GAS7: variants seen among roughly 807,000 people sequenced by gnomAD.
The protein encoded by GAS7 is growth arrest specific 7.
Under a neutral mutation model 71.1 loss-of-function variants are expected in GAS7, and 28 were observed. The ratio of observed to expected loss-of-function variants is 0.39; its 90% CI spans 0.29 to 0.54. The LOEUF is 0.54. Ranked by LOEUF, GAS7 falls within the 20% of genes least tolerant of loss-of-function variation. The pLI is 0.62. For synonymous variants in GAS7, 258 were observed against 245.8 expected (o/e 1.05, Z -0.46); for missense variants, 436 against 627.8 (o/e 0.69, Z 3.27).
intron 3 of GAS7, among the ~76,000 whole-genome samples, chr17:9,973,400 C>G (rs549018677): frequency 2.6e-5 from 4 of 151,966 alleles, no homozygotes; most frequent in Admixed American, 2.6e-4. Context: ...ATTACAGGCG[C>G]CCGCCACCAT....
intron 3 of GAS7, among the ~76,000 whole-genome samples, chr17:9,979,858 GT>G (rs961492364): frequency 7.5e-6 from 1 of 133,282 alleles, no homozygotes; most frequent in Non-Finnish European, 1.7e-5. Flanking sequence ...CATTTTGATT[GT>G]TTTAAAAAAA....
At chr17:10,161,789 G>A (rs2074257915) in intron 1 of GAS7, among the ~76,000 whole-genome samples, 1 of 152,066 alleles carries the variant, frequency 6.6e-6, no homozygotes, top group Non-Finnish European at 1.5e-5. Context: ...CCCAGGCCGG[G>A]TGCGGTGGCT....
chr17:10,038,070 A>G (rs931166816), intron 1 of GAS7, among the ~76,000 whole-genome samples: 1 of 151,822 alleles, frequency 6.6e-6, no homozygotes, highest in Non-Finnish European at 1.5e-5. Flanking sequence ...AAAAAAAACC[A>G]GACAAGGCCA....
At chr17:10,098,037 C>A (rs1349120725) in intron 1 of GAS7, among the ~76,000 whole-genome samples, 2 of 116,876 alleles carry the variant, frequency 1.7e-5, no homozygotes, top group Admixed American at 7.9e-5. Flanking sequence ...GAGCAAGACT[C>A]CATCTCAAAA....
intron 1 of GAS7, among the ~76,000 whole-genome samples, chr17:10,192,368 G>T (rs1459901013): frequency 6.6e-6 from 1 of 152,148 alleles, no homozygotes; most frequent in Non-Finnish European, 1.5e-5. Flanking sequence ...AGTCCCCTGG[G>T]CTGGCCTGAT....
intron 3 of GAS7, among the ~76,000 whole-genome samples, chr17:9,972,890 T>C (rs1370888727): frequency 6.6e-6 from 1 of 152,002 alleles, no homozygotes; most frequent in Non-Finnish European, 1.5e-5. Context: ...GAAGAATATA[T>C]CAAAACAAAT....
intron 1 of GAS7, among the ~76,000 whole-genome samples, chr17:10,068,422 C>G (rs1260112986): frequency 6.6e-6 from 1 of 151,980 alleles, no homozygotes; most frequent in Non-Finnish European, 1.5e-5. Context: ...CTGATGTTTC[C>G]CAGAAGGACT....
intron 5 of GAS7, among the ~76,000 whole-genome samples, chr17:9,953,738 C>T (rs905081533): frequency 1.3e-5 from 2 of 152,258 alleles, no homozygotes; most frequent in African/African-American, 4.8e-5. Flanking sequence ...TGCATGCATA[C>T]ATTTGTAATG....
chr17:9,919,817 C>A lies in GAS7; in HGVS notation c.1139-112G>T. 2.4e-6 allele frequency: 2 copies of A among 824,834 alleles called. No homozygotes were observed. Among genetic ancestry groups the A allele is most frequent in the Non-Finnish European group, 4.2e-6 (2 of 476,002 alleles). 51.1% of individuals were successfully genotyped at this position (824,834 alleles called of 1,614,324 possible). On this transcript the variant is annotated intron_variant, in intron 11 of 13. Transcript: ENST00000432992. This position sits in a 1 kb window ranked among gnomAD's most constrained non-coding sequence, Gnocchi z 5.0. ...CTCCTCCCCCTGGGGTCATGGTGGC[C>A]GCTGGAAAGCTGGAAAAGGGATGGC...
chr17:10,166,301 G>T (rs2074293470), intron 1 of GAS7, among the ~76,000 whole-genome samples: 1 of 152,172 alleles, frequency 6.6e-6, no homozygotes, highest in Non-Finnish European at 1.5e-5. Context: ...GAGATTGCAG[G>T]CGTGAGTCAC....
intron 1 of GAS7, among the ~76,000 whole-genome samples, chr17:10,112,692 T>A (rs2073824516): frequency 6.7e-6 from 1 of 149,598 alleles, no homozygotes; most frequent in East Asian, 2.0e-4. Context: ...TGAGCTGAGA[T>A]CATACCAGTG....
At chr17:10,159,583 T>A (rs534948849) in intron 1 of GAS7, among the ~76,000 whole-genome samples, 1 of 152,262 alleles carries the variant, frequency 6.6e-6, no homozygotes, top group Admixed American at 6.5e-5. Flanking sequence ...AACTTCTCTA[T>A]GCTCAGTTTA....
At chr17:9,929,110 A>G (rs184013708) in intron 9 of GAS7, among the ~76,000 whole-genome samples, 38 of 152,074 alleles carry the variant, frequency 2.5e-4, no homozygotes, top group African/African-American at 8.0e-4. Flanking sequence ...CCCCTTTCCC[A>G]CGTATATAGG....
At chr17:9,978,101 T>C (rs759487404) in intron 3 of GAS7, among the ~76,000 whole-genome samples, 4 of 151,848 alleles carry the variant, frequency 2.6e-5, no homozygotes, top group Non-Finnish European at 4.4e-5. Context: ...ATAGTCCCAA[T>C]TAATCGGGAG....
chr17:10,154,316 T>C (rs530647203), intron 1 of GAS7, among the ~76,000 whole-genome samples: 2 of 152,158 alleles, frequency 1.3e-5, no homozygotes, highest in East Asian at 1.9e-4. Flanking sequence ...CTGGGCAACA[T>C]AGAGAGACCT....
intron 1 of GAS7, 64 bp downstream of exon 1, chr17:10,198,144 C>A: frequency 6.7e-7 from 1 of 1,485,624 alleles, no homozygotes; most frequent in African/African-American, 1.4e-5. Context: ...GAACGGGCAA[C>A]AGGTACGCGA....
intron 5 of GAS7, among the ~76,000 whole-genome samples, chr17:9,947,668 C>T (rs779950862): frequency 4.0e-5 from 6 of 151,356 alleles, no homozygotes; most frequent in Non-Finnish European, 8.8e-5. Flanking sequence ...CACTTGGACC[C>T]GGGAGGCAGA....
At chr17:10,188,637 T>C (rs1319258417) in intron 1 of GAS7, among the ~76,000 whole-genome samples, 1 of 152,172 alleles carries the variant, frequency 6.6e-6, no homozygotes, top group African/African-American at 2.4e-5. Flanking sequence ...TTTGTGTGTG[T>C]GTGTGTTCAT....
At chr17:10,016,751 AAATAATAATAATAATAATAATAAT>A (rs4057773) in intron 2 of GAS7, among the ~76,000 whole-genome samples, 44 of 139,912 alleles carry the variant, frequency 3.1e-4, no homozygotes, top group Non-Finnish European at 5.1e-4. Context: ...TCTCTACAAA[AAATAATAATAATAATAATAATAAT>A]AATAATAATA....
Sources: allele counts gnomAD v4.1 joint callset (sites outside exome capture counted in the v4.1 genomes callset), GRCh38; gene constraint gnomAD v4.1.1; non-coding constraint Gnocchi (gnomAD v3.1); transcripts MANE v1.5; gene names NCBI Gene and HGNC (gene_info 2026-07-23, HGNC 2026-07-21).